The following NAT10 variants were observed in gnomAD, a reference collection of about 807,000 sequenced individuals.
NAT10 encodes the protein RNA cytidine acetyltransferase.
NAT10 carries 109 observed loss-of-function variants against 132.2 expected under a neutral mutation model. The ratio of observed to expected loss-of-function variants is 0.82; its 90% CI spans 0.71 to 0.97. NAT10 has a LOEUF of 0.97. NAT10 is among the 50% of genes least tolerant of loss of function. NAT10 has a pLI of 0.00. For synonymous variants in NAT10, 479 were observed against 478.0 expected (o/e 1.00, Z -0.03); for missense variants, 1,184 against 1,263.4 (o/e 0.94, Z 0.95).
In NAT10 at chr11:34,135,201, G is replaced by C. The variant is rs1426033073; in HGVS notation, c.1938G>C (p.Gln646His). ...QGMGYGSRAL[Q>H]LLQMYYEGRF... Reference sequence around the variant, plus strand: ...TGGGCTATGGCAGCCGTGCTCTGCAGCTGCTGCAGATGTACTATGAAGGCA... The same window carrying C: ...TGGGCTATGGCAGCCGTGCTCTGCACCTGCTGCAGATGTACTATGAAGGCA... Residue 646 changes from glutamine (Q) to histidine (H), a missense_variant, in exon 19 of 29, where the codon CAG (glutamine) becomes CAC (histidine). Coordinates refer to ENST00000257829, the MANE Select transcript of NAT10 (RefSeq NM_024662.3). 8 of 1,614,098 alleles carry C rather than the reference G, an allele frequency of 5.0e-6. No homozygotes were observed. The highest frequency in any genetic ancestry group is 6.8e-6 in the Non-Finnish European group (8 of 1,179,954).
At chr11:34,113,875 A>G (rs1026188086) in intron 5 of NAT10, 37 bp downstream of exon 5, 15 of 1,608,292 alleles carry the variant, frequency 9.3e-6, no homozygotes, top group Non-Finnish European at 1.2e-5. Context: ...GTGAGGGTTC[A>G]AGTAAATCTG....
intron 6 of NAT10, among the ~76,000 whole-genome samples, chr11:34,116,444 A>C (rs1051913404): frequency 6.6e-6 from 1 of 151,896 alleles, no homozygotes; most frequent in African/African-American, 2.4e-5. Flanking sequence ...TTTGAGATGG[A>C]GTCTTGCTGT....
intron 5 of NAT10, among the ~76,000 whole-genome samples, chr11:34,114,877 T>A (rs1292258035): frequency 6.6e-6 from 1 of 152,172 alleles, no homozygotes; most frequent in Admixed American, 6.5e-5. Context: ...GGAGGGCCGA[T>A]CACAGTGGCT....
intron 16 of NAT10, 105 bp from the exon 17 acceptor site, chr11:34,134,214 G>A (rs1446758889): frequency 3.3e-6 from 3 of 922,348 alleles, no homozygotes; most frequent in East Asian, 2.4e-5. Context: ...ACCTGAACAT[G>A]GGGGTGGAAA....
intron 21 of NAT10, 39 bp from the exon 22 acceptor site, chr11:34,139,152 G>A (rs1213998211): frequency 1.9e-6 from 3 of 1,558,466 alleles, no homozygotes; most frequent in Non-Finnish European, 2.7e-6. Context: ...TTCAAAAAAA[G>A]GGGGTTCTTG....
At chr11:34,119,285 G>C (rs1851842569) in intron 8 of NAT10, among the ~76,000 whole-genome samples, 1 of 152,274 alleles carries the variant, frequency 6.6e-6, no homozygotes, top group African/African-American at 2.4e-5. Context: ...GGTGTGTTCA[G>C]GGTTCTAGGT....
intron 28 of NAT10, among the ~76,000 whole-genome samples, chr11:34,145,085 C>T (rs1852414848): frequency 6.6e-6 from 1 of 152,198 alleles, no homozygotes; most frequent in South Asian, 2.1e-4. Context: ...TAGCACAGGG[C>T]CCATGATGGC....
intron 12 of NAT10, 108 bp downstream of exon 12, chr11:34,127,707 G>GTC (rs1852021906): frequency 1.5e-6 from 2 of 1,369,726 alleles, no homozygotes; most frequent in East Asian, 4.7e-5. Flanking sequence ...GATTCTCAGA[G>GTC]TCTCTGAGTG....
chr11:34,127,130 C>CAGGGT (rs1327728403), intron 11 of NAT10, among the ~76,000 whole-genome samples: 2 of 152,192 alleles, frequency 1.3e-5, no homozygotes, highest in Admixed American at 1.3e-4. Flanking sequence ...AGGCACTGGG[C>CAGGGT]AGGGCATCTT....
rs2132965197 is a variant in NAT10, at chr11:34,131,466, G to A, written c.1455G>A (p.Leu485=). ...DAVEKWLNDL[L]CLDCLNITRI... The stretch of plus-strand genomic sequence containing the variant: ...TGGAGAAGTGGCTGAATGACTTGCT[G>A]TGCCTGGATTGCCTCAACATCACTC... Residue 485 remains leucine (L), a synonymous_variant, in exon 14 of 29, where the codon CTG becomes CTA. Coordinates refer to ENST00000257829, the MANE Select transcript of NAT10 (RefSeq NM_024662.3). 1 of 1,614,104 alleles carries A rather than the reference G, an allele frequency of 6.2e-7. No individual in the cohort carries two copies. The highest frequency in any genetic ancestry group is 1.1e-5 in the South Asian group (1 of 91,078).
At chr11:34,144,776 A>G (rs1372186019) in intron 28 of NAT10, among the ~76,000 whole-genome samples, 1 of 152,196 alleles carries the variant, frequency 6.6e-6, no homozygotes, top group African/African-American at 2.4e-5. Flanking sequence ...AGCCACTGGA[A>G]TTGAGGCTTT....
At position 34,112,168 on chromosome 11, in the gene NAT10, A is replaced by G; in HGVS notation, c.317A>G (p.Tyr106Cys). The change falls in exon 4 of 29, where the codon TAC becomes TGC. Residue 106 changes from tyrosine (Y) to cysteine (C), a missense_variant. By Grantham distance (194) the Tyr-to-Cys change is radical. Transcript: ENST00000257829. ...FIAATNIRYCYYNETHKILGN... is the reference protein window; with the variant it reads ...FIAATNIRYCCYNETHKILGN... Reference sequence around the variant, plus strand: ...GCAGCCACAAACATTCGCTACTGCTACTACAACGAGACCCACAAGATCCTG... The same window carrying G: ...GCAGCCACAAACATTCGCTACTGCTGCTACAACGAGACCCACAAGATCCTG... 2.5e-6 allele frequency: 4 copies of G among 1,614,234 alleles called. No homozygotes were observed. Among genetic ancestry groups the G allele is most frequent in the Non-Finnish European group, 3.4e-6 (4 of 1,180,036 alleles).
At position 34,122,480 on chromosome 11, in the gene NAT10, A is replaced by T; in HGVS notation, c.802A>T (p.Ile268Phe). ...ACAGGCCAAAGCTGTCTTGAAATTT[A>T]TCGAGGGCATCTCTGAAAAGACCCT... ...LDQAKAVLKF[I>F]EGISEKTLRS... is the part of the protein sequence containing the mutation. Residue 268 changes from isoleucine to phenylalanine, a missense_variant, in exon 9 of 29, where the codon ATC becomes TTC. Ile to Phe is a conservative substitution (Grantham distance 21). Coordinates refer to ENST00000257829, the MANE Select transcript of NAT10 (RefSeq NM_024662.3). The T allele has an allele frequency of 6.2e-7, 1 of 1,614,208 alleles. No homozygotes were observed. Among genetic ancestry groups the T allele is most frequent in the Non-Finnish European group, 8.5e-7 (1 of 1,180,032 alleles).
In NAT10 at chr11:34,127,534, C is replaced by T; in HGVS notation, c.1179C>T (p.Ile393=). The T allele has an allele frequency of 6.2e-7, 1 of 1,614,122 alleles. No individual in the cohort carries two copies. Among genetic ancestry groups the T allele is most frequent in the Non-Finnish European group, 8.5e-7 (1 of 1,179,958 alleles). Residue 393 remains isoleucine (I), a synonymous_variant, in exon 12 of 29, where the codon ATC becomes ATT. Coordinates refer to ENST00000257829, the MANE Select transcript of NAT10 (RefSeq NM_024662.3). The part of the protein sequence containing the change: ...ELVVIDEAAA[I]PLPLVKSLLG... ...TTGTGATTGATGAAGCTGCCGCCAT[C>T]CCCCTCCCCTTGGTGAAGAGCCTAC...
intron 23 of NAT10, among the ~76,000 whole-genome samples, chr11:34,140,117 G>A (rs1820142386): frequency 6.6e-6 from 1 of 151,240 alleles, no homozygotes; most frequent in Admixed American, 6.6e-5. Context: ...GTGTAGTTGT[G>A]TTCCCCTAAC....
chr11:34,118,356 G>C (rs776141942), intron 7 of NAT10, 40 bp from the exon 8 acceptor site: 1 of 1,610,832 alleles, frequency 6.2e-7, no homozygotes, highest in East Asian at 2.2e-5. Context: ...TGTTCCTCCT[G>C]TGACAGTGAC....
At chr11:34,142,575 C>A (rs1010024774) in intron 27 of NAT10, among the ~76,000 whole-genome samples, 1 of 152,210 alleles carries the variant, frequency 6.6e-6, no homozygotes, top group Non-Finnish European at 1.5e-5. Flanking sequence ...ACATTGCACT[C>A]TCTGATCCCC....
At chr11:34,120,275 T>G (rs1422452426) in intron 8 of NAT10, among the ~76,000 whole-genome samples, 2 of 152,050 alleles carry the variant, frequency 1.3e-5, no homozygotes, top group Admixed American at 1.3e-4. Flanking sequence ...TACCATTCTG[T>G]TATGTCATTG....
chr11:34,143,170 G>A (rs538625323), intron 27 of NAT10, among the ~76,000 whole-genome samples: 12 of 152,324 alleles, frequency 7.9e-5, no homozygotes, highest in Non-Finnish European at 1.6e-4. Flanking sequence ...CAGGCAGGCT[G>A]CCTTCTGTGC....
Sources: allele counts gnomAD v4.1 joint callset (sites outside exome capture counted in the v4.1 genomes callset), GRCh38; gene constraint gnomAD v4.1.1; transcripts MANE v1.5; gene names NCBI Gene and HGNC (gene_info 2026-07-23, HGNC 2026-07-21).